The following CADM2 variants were observed in gnomAD, a reference collection of about 807,000 sequenced individuals.
The protein encoded by CADM2 is cell adhesion molecule 2.
A neutral mutation model predicts 49.8 loss-of-function variants in CADM2; 12 were observed. That is an observed-to-expected ratio of 0.24 (90% confidence interval 0.15 to 0.39). CADM2 has a LOEUF of 0.39. CADM2 is among the 10% of genes least tolerant of loss of function. CADM2 has a pLI of 1.00. For synonymous variants in CADM2, 214 were observed against 175.4 expected, an observed-to-expected ratio of 1.22 and a Z score of -1.74; for missense variants, 378 against 492.3, an observed-to-expected ratio of 0.77 and a Z score of 2.20.
intron 3 of CADM2, among the ~76,000 whole-genome samples, chr3:85,825,403 C>T (rs556669787): frequency 2.0e-5 from 3 of 152,048 alleles, no homozygotes; most frequent in Non-Finnish European, 4.4e-5. Flanking sequence ...GTAATCAAAA[C>T]GTGCAGCCAC....
At chr3:85,448,274 A>C (rs1036069364) in intron 1 of CADM2, among the ~76,000 whole-genome samples, 3 of 149,400 alleles carry the variant, frequency 2.0e-5, no homozygotes, top group African/African-American at 7.5e-5. Flanking sequence ...CGGAGCTTGC[A>C]GTGAGCCGAG....
chr3:84,994,490 C>T (rs2033070495), intron 1 of CADM2, among the ~76,000 whole-genome samples: 2 of 152,002 alleles, frequency 1.3e-5, no homozygotes, highest in Non-Finnish European at 2.9e-5. Flanking sequence ...TTTCTGTGTC[C>T]TTAGGTAAGT....
At chr3:85,506,548 A>T (rs1576677028) in intron 1 of CADM2, among the ~76,000 whole-genome samples, 3 of 152,156 alleles carry the variant, frequency 2.0e-5, no homozygotes, top group Non-Finnish European at 4.4e-5. Context: ...TTTTAATTAC[A>T]CAAAAGTCTT....
chr3:85,007,353 C>A (rs555321391), intron 1 of CADM2, among the ~76,000 whole-genome samples: 4 of 152,008 alleles, frequency 2.6e-5, no homozygotes, highest in African/African-American at 9.7e-5. Context: ...GTCTCTGTGG[C>A]AACTACTCAT....
intron 1 of CADM2, among the ~76,000 whole-genome samples, chr3:85,008,836 C>T (rs935647882): frequency 6.6e-6 from 1 of 152,016 alleles, no homozygotes; most frequent in South Asian, 2.1e-4. Context: ...AGACTTGTAG[C>T]TCATGTTTTC....
intron 1 of CADM2, among the ~76,000 whole-genome samples, chr3:85,653,606 A>G (rs984831194): frequency 6.6e-6 from 1 of 151,980 alleles, no homozygotes; most frequent in African/African-American, 2.4e-5. Flanking sequence ...GTTTTATGAT[A>G]TTTTTTAAAT....
chr3:85,913,562 A>G (rs1187929133), intron 6 of CADM2, among the ~76,000 whole-genome samples: 1 of 152,154 alleles, frequency 6.6e-6, no homozygotes, highest in Non-Finnish European at 1.5e-5. Context: ...TAGTGGCACT[A>G]TGTAATAGGC....
At chr3:85,690,348 G>T (rs1035293346) in intron 1 of CADM2, among the ~76,000 whole-genome samples, 5 of 152,162 alleles carry the variant, frequency 3.3e-5, no homozygotes, top group Non-Finnish European at 7.3e-5. Context: ...TACTGTTTTG[G>T]AGACCAAAGA....
intron 1 of CADM2, among the ~76,000 whole-genome samples, chr3:84,965,607 G>C (rs1434037462): frequency 6.6e-6 from 1 of 152,132 alleles, no homozygotes; most frequent in Non-Finnish European, 1.5e-5. Context: ...CGGGAACATA[G>C]GTCAGTTTAA....
intron 3 of CADM2, among the ~76,000 whole-genome samples, chr3:85,834,500 A>C (rs575619294): frequency 1.3e-5 from 2 of 151,764 alleles, no homozygotes; most frequent in East Asian, 3.9e-4. Context: ...CACATTTCCT[A>C]TGTATGGACT....
At chr3:85,363,941 A>G (rs552185146) in intron 1 of CADM2, among the ~76,000 whole-genome samples, 2 of 152,272 alleles carry the variant, frequency 1.3e-5, no homozygotes, top group East Asian at 3.9e-4. Flanking sequence ...AGACAGTAGA[A>G]GCATTTGAGA....
intron 1 of CADM2, among the ~76,000 whole-genome samples, chr3:85,560,118 GA>G (rs140598270): frequency 1.3e-5 from 2 of 151,890 alleles, no homozygotes; most frequent in Non-Finnish European, 2.9e-5. Context: ...GAAAATTATA[GA>G]AAAAAAAGTA....
intron 1 of CADM2, among the ~76,000 whole-genome samples, chr3:85,240,632 C>T (rs1433798846): frequency 6.6e-6 from 1 of 151,316 alleles, no homozygotes; most frequent in African/African-American, 2.4e-5. Flanking sequence ...GTTATTTCCT[C>T]TAAGACTAAG....
chr3:85,296,920 A>G (rs1395226602), intron 1 of CADM2, among the ~76,000 whole-genome samples: 1 of 152,046 alleles, frequency 6.6e-6, no homozygotes, highest in African/African-American at 2.4e-5. Context: ...AAAATAGAGT[A>G]TGTTTTTTGC....
chr3:85,089,954 T>C (rs1382237389), intron 1 of CADM2, among the ~76,000 whole-genome samples: 1 of 152,202 alleles, frequency 6.6e-6, no homozygotes, highest in African/African-American at 2.4e-5. Context: ...TGGATTTCCT[T>C]GTTGCTGTTG....
intron 1 of CADM2, among the ~76,000 whole-genome samples, chr3:85,543,317 C>T (rs1187820657): frequency 6.6e-6 from 1 of 151,548 alleles, no homozygotes; most frequent in Non-Finnish European, 1.5e-5. Context: ...TGTAATGGCG[C>T]AATCTCTGTT....
chr3:85,750,443 C>A (rs993141283), intron 2 of CADM2, among the ~76,000 whole-genome samples: 5 of 152,078 alleles, frequency 3.3e-5, no homozygotes, highest in Admixed American at 6.6e-5. Context: ...TACAAATATT[C>A]TTCCTCTTGT....
chr3:85,177,701 A>C (rs908410109), intron 1 of CADM2, among the ~76,000 whole-genome samples: 2 of 152,018 alleles, frequency 1.3e-5, no homozygotes, highest in African/African-American at 4.8e-5. Flanking sequence ...ACTTACAGTA[A>C]AATAACCCAA....
intron 2 of CADM2, among the ~76,000 whole-genome samples, chr3:85,801,159 A>G (rs1434011414): frequency 6.6e-6 from 1 of 152,162 alleles, no homozygotes; most frequent in African/African-American, 2.4e-5. Context: ...AGAGAAATTT[A>G]TGTATTATGT....
Sources: allele counts gnomAD v4.1 joint callset (sites outside exome capture counted in the v4.1 genomes callset), GRCh38; gene constraint gnomAD v4.1.1; transcripts MANE v1.5; gene names NCBI Gene and HGNC (gene_info 2026-07-23, HGNC 2026-07-21).